ASH1L: variants seen among roughly 807,000 people sequenced by gnomAD.
ASH1L encodes the protein ASH1 like histone lysine methyltransferase, also known as histone-lysine N-methyltransferase ASH1L.
Under a neutral mutation model 269.0 loss-of-function variants are expected in ASH1L, and 23 were observed. The observed-to-expected ratio is 0.09, with a 90% confidence interval of 0.06 to 0.12. The LOEUF is 0.12. Ranked by LOEUF, ASH1L falls within the 10% of genes least tolerant of loss-of-function variation. ASH1L has a pLI of 1.00. For missense variants in ASH1L, 2,912 were observed against 3,567.8 expected (o/e 0.82, Z 4.68); for synonymous variants, 1,187 against 1,253.5 (o/e 0.95, Z 1.12).
chr1:155,539,700 G>T (rs962660988), intron 1 of ASH1L, among the ~76,000 whole-genome samples: 1 of 151,686 alleles, frequency 6.6e-6, no homozygotes, highest in Non-Finnish European at 1.5e-5. Context: ...TTCCAGCCTC[G>T]GCCTCCCAAA....
intron 4 of ASH1L, among the ~76,000 whole-genome samples, chr1:155,449,642 C>T (rs1419993203): frequency 1.3e-5 from 2 of 151,864 alleles, no homozygotes; most frequent in Non-Finnish European, 2.9e-5. Flanking sequence ...ACCTCAGCCT[C>T]CTGAGTAGCT....
chr1:155,416,280 G>A (rs914591678), intron 5 of ASH1L, among the ~76,000 whole-genome samples: 2 of 151,900 alleles, frequency 1.3e-5, no homozygotes, highest in East Asian at 1.9e-4. Flanking sequence ...ACAGGGGCAC[G>A]CCACCAGTTT....
chr1:155,511,120 C>T (rs995177084), intron 2 of ASH1L, among the ~76,000 whole-genome samples: 3 of 152,090 alleles, frequency 2.0e-5, no homozygotes, highest in Non-Finnish European at 2.9e-5. Flanking sequence ...ATACATAAAT[C>T]ATCAAGCAGA....
At chr1:155,431,942 A>T (rs1258238052) in intron 5 of ASH1L, among the ~76,000 whole-genome samples, 2 of 152,218 alleles carry the variant, frequency 1.3e-5, no homozygotes, top group South Asian at 4.1e-4. Flanking sequence ...GCAAAAATTT[A>T]TAAGTGTTTT....
intron 3 of ASH1L, among the ~76,000 whole-genome samples, chr1:155,460,119 G>A: frequency 6.6e-6 from 1 of 152,096 alleles, no homozygotes; most frequent in East Asian, 1.9e-4. Context: ...AAGTTCTCCT[G>A]TTACATTACC....
chr1:155,341,239 T>C (rs1301975531), intron 25 of ASH1L, among the ~76,000 whole-genome samples: 4 of 150,080 alleles, frequency 2.7e-5, no homozygotes, highest in Middle Eastern at 3.6e-3. Flanking sequence ...TGCAGTGGCG[T>C]GATCTTGGCT....
At chr1:155,356,450 T>C (rs1654392488) in intron 15 of ASH1L, among the ~76,000 whole-genome samples, 1 of 151,554 alleles carries the variant, frequency 6.6e-6, no homozygotes, top group Admixed American at 6.6e-5. Flanking sequence ...CTGGCTAACA[T>C]GGTGAAACCC....
intron 2 of ASH1L, among the ~76,000 whole-genome samples, chr1:155,492,895 T>C (rs1666903267): frequency 6.6e-6 from 1 of 152,076 alleles, no homozygotes; most frequent in African/African-American, 2.4e-5. Flanking sequence ...CAATCTCAGC[T>C]TGCCACAACT....
intron 4 of ASH1L, among the ~76,000 whole-genome samples, chr1:155,446,922 T>C (rs1663086142): frequency 6.6e-6 from 1 of 152,234 alleles, no homozygotes; most frequent in South Asian, 2.1e-4. Flanking sequence ...AGTTTCTAAT[T>C]GTTCACTGTA....
At chr1:155,414,969 C>A (rs769347903) in intron 6 of ASH1L, among the ~76,000 whole-genome samples, 2 of 152,162 alleles carry the variant, frequency 1.3e-5, no homozygotes, top group African/African-American at 2.4e-5. Context: ...TTTTATTCAT[C>A]TGACAAAGCT....
intron 5 of ASH1L, among the ~76,000 whole-genome samples, chr1:155,417,663 G>A (rs1396679488): frequency 6.6e-6 from 1 of 152,166 alleles, no homozygotes; most frequent in African/African-American, 2.4e-5. Context: ...CTGAAAGGAA[G>A]ACTAGCCTTC....
intron 13 of ASH1L, 67 bp from the exon 14 acceptor site, chr1:155,357,816 G>A (rs1570986091): frequency 6.9e-7 from 1 of 1,439,504 alleles, no homozygotes; most frequent in Non-Finnish European, 9.3e-7. Flanking sequence ...TGTCACTCAG[G>A]CTGAAGTACA....
chr1:155,468,236 T>A (rs1361048832), intron 3 of ASH1L, among the ~76,000 whole-genome samples: 4 of 151,184 alleles, frequency 2.6e-5, no homozygotes, highest in African/African-American at 9.7e-5. Context: ...TTATTATTTT[T>A]TTTTTCTGCT....
intron 4 of ASH1L, among the ~76,000 whole-genome samples, chr1:155,444,501 T>C (rs1455106131): frequency 6.6e-6 from 1 of 152,232 alleles, no homozygotes; most frequent in East Asian, 1.9e-4. Flanking sequence ...TTCATGAGCT[T>C]ATTGGCAATT....
chr1:155,470,431 C>A (rs1409897204), intron 3 of ASH1L, among the ~76,000 whole-genome samples: 1 of 151,646 alleles, frequency 6.6e-6, no homozygotes, highest in African/African-American at 2.4e-5. Flanking sequence ...TGCACTCCAG[C>A]CTGGCCAACA....
chr1:155,542,491 G>A (rs929917861), intron 1 of ASH1L, among the ~76,000 whole-genome samples: 3 of 151,744 alleles, frequency 2.0e-5, no homozygotes, highest in African/African-American at 7.3e-5. Context: ...GGAGCTTGCA[G>A]TGAGCCCAGG....
At chr1:155,433,440 A>C (rs560685523) in intron 5 of ASH1L, 2 of 1,610,058 alleles carry the variant, frequency 1.2e-6, no homozygotes, top group East Asian at 4.5e-5. Context: ...CTAGTGCCCC[A>C]AGGCGGCTTG....
intron 1 of ASH1L, among the ~76,000 whole-genome samples, chr1:155,540,261 T>C (rs533870873): frequency 6.6e-6 from 1 of 152,294 alleles, no homozygotes; most frequent in African/African-American, 2.4e-5. Context: ...GCTATATTAA[T>C]TTTGTGCAAA....
At chr1:155,348,113 A>G (rs1653527940) in intron 19 of ASH1L, among the ~76,000 whole-genome samples, 1 of 152,278 alleles carries the variant, frequency 6.6e-6, no homozygotes, top group Non-Finnish European at 1.5e-5. Context: ...TTATTTTTCC[A>G]TTTGCTCAAC....
Sources: gnomAD v4.1 joint callset for allele counts (sites outside exome capture counted in the v4.1 genomes callset) on GRCh38, gnomAD v4.1.1 for gene constraint, MANE v1.5 for transcripts, NCBI Gene and HGNC (gene_info 2026-07-23, HGNC 2026-07-21) for gene names.